The following CSMD2 variants were observed in gnomAD, a reference collection of about 807,000 sequenced individuals.
CSMD2 encodes CUB and Sushi multiple domains 2.
CSMD2 carries 130 observed loss-of-function variants against 398.5 expected under a neutral mutation model. The observed-to-expected ratio is 0.33, with a 90% CI of 0.28 to 0.38. The LOEUF (loss-of-function observed/expected upper bound fraction) is 0.38. Ranked by LOEUF, CSMD2 falls within the 10% of genes least tolerant of loss-of-function variation. The pLI is 1.00. For missense variants in CSMD2, 3,829 were observed against 4,764.9 expected (o/e 0.80, Z 5.78); for synonymous variants, 1,828 against 1,908.5 (o/e 0.96, Z 1.10).
Position 34,004,246 on chromosome 1 carries a change from T to G in CSMD2, c.517+28348A>C, listed in dbSNP as rs148044316. On this transcript the variant is annotated intron_variant, in intron 3 of 70. Coordinates refer to ENST00000373381, the MANE Select transcript of CSMD2 (RefSeq NM_001281956.2). ...GACTGAGAGATGAATGAGGTCCCAG[T>G]GACACTGGATCCAGCTGTTCCTGAG... Among the ~76,000 whole-genome samples the G allele has an allele frequency of 2.6e-3, 392 of 152,334 alleles. 3 individuals carry two copies. Among genetic ancestry groups the G allele is most frequent in the Non-Finnish European group, 4.7e-3 (321 of 68,028 alleles).
intron 3 of CSMD2, among the ~76,000 whole-genome samples, chr1:33,975,486 T>TACACACACACACACAC (rs57095754): frequency 0.055 from 8,040 of 146,286 alleles, 248 homozygotes; most frequent in Admixed American, 0.075. Context: ...CTCCCAAGTG[T>TACACACACACACACAC]ACACACACAC....
chr1:34,020,429 C>G (rs934987554), intron 3 of CSMD2, among the ~76,000 whole-genome samples: 1 of 152,212 alleles, frequency 6.6e-6, no homozygotes, highest in African/African-American at 2.4e-5. Flanking sequence ...AGCAAAGCCA[C>G]TGTCCATGAG....
chr1:33,562,092 G>A (rs1305544444), intron 53 of CSMD2, among the ~76,000 whole-genome samples: 1 of 152,164 alleles, frequency 6.6e-6, no homozygotes, highest in Non-Finnish European at 1.5e-5. Flanking sequence ...GGGGGTAGTT[G>A]TCACAGAGCC....
chr1:33,812,529 C>T (rs553732306), intron 9 of CSMD2, among the ~76,000 whole-genome samples: 2 of 152,358 alleles, frequency 1.3e-5, no homozygotes, highest in East Asian at 3.9e-4. Flanking sequence ...TCCTAGATTG[C>T]ACTTGATACA....
intron 29 of CSMD2, among the ~76,000 whole-genome samples, chr1:33,640,779 A>G (rs1643060165): frequency 6.6e-6 from 1 of 152,242 alleles, no homozygotes; most frequent in Non-Finnish European, 1.5e-5. Flanking sequence ...TCCAACAAAC[A>G]TGCATTCCTT....
chr1:33,530,408 T>C (rs990385483), intron 64 of CSMD2, among the ~76,000 whole-genome samples: 1 of 152,146 alleles, frequency 6.6e-6, no homozygotes, highest in African/African-American at 2.4e-5. Flanking sequence ...ACCTCCTACC[T>C]GTTAGAAGGA....
chr1:33,643,841 G>A (rs1164548671), intron 29 of CSMD2, among the ~76,000 whole-genome samples: 2 of 151,860 alleles, frequency 1.3e-5, no homozygotes, highest in Non-Finnish European at 2.9e-5. Context: ...CAGAGGCCCA[G>A]GGAGATAGTA....
intron 39 of CSMD2, among the ~76,000 whole-genome samples, chr1:33,616,490 G>A (rs867763198): frequency 2.0e-5 from 3 of 152,242 alleles, no homozygotes; most frequent in African/African-American, 4.8e-5. Context: ...CGCCTGACTC[G>A]GCCTCCCAAA....
chr1:34,058,390 T>C (rs902957882), intron 2 of CSMD2, among the ~76,000 whole-genome samples: 2 of 152,118 alleles, frequency 1.3e-5, no homozygotes, highest in Non-Finnish European at 2.9e-5. Flanking sequence ...GAAATGATGA[T>C]GATGATGATG....
At chr1:34,085,403 A>AATAAT (rs1258830773) in intron 2 of CSMD2, among the ~76,000 whole-genome samples, 1 of 130,216 alleles carries the variant, frequency 7.7e-6, no homozygotes, top group African/African-American at 3.0e-5. Context: ...TAATAATAAT[A>AATAAT]AATAAATAAA....
At chr1:34,087,612 T>TATAATAATAATAATA (rs71717621) in intron 2 of CSMD2, among the ~76,000 whole-genome samples, 9 of 138,370 alleles carry the variant, frequency 6.5e-5, no homozygotes, top group Non-Finnish European at 1.1e-4. Flanking sequence ...GAACTTAAAG[T>TATAATAATAATAATA]ATAATAATAA....
chr1:33,920,627 G>A (rs947880531), intron 4 of CSMD2, among the ~76,000 whole-genome samples: 1 of 151,502 alleles, frequency 6.6e-6, no homozygotes, highest in African/African-American at 2.4e-5. Context: ...CAGGGCTTCC[G>A]AGGGCCTGAG....
intron 2 of CSMD2, among the ~76,000 whole-genome samples, chr1:34,053,599 G>C (rs893816282): frequency 1.3e-5 from 2 of 152,120 alleles, no homozygotes; most frequent in Admixed American, 1.3e-4. Flanking sequence ...GTCTGAAAAG[G>C]CATATGAACA....
rs777496931 is a variant in CSMD2, at chr1:33,577,430, G to T, written c.7442C>A (p.Thr2481Asn). Reference sequence around the variant, plus strand: ...GATGGAGCCCCCGGGCTGGGTGCTGGTCTGGCCTAGGATGAAGCCATGGAG... The same window carrying T: ...GATGGAGCCCCCGGGCTGGGTGCTGTTCTGGCCTAGGATGAAGCCATGGAG... Reference protein sequence around the residue: ...APLHGFILGQTSTQPGGSIHF... With the variant: ...APLHGFILGQNSTQPGGSIHF... The change falls in exon 49 of 71, where the codon ACC becomes AAC. Residue 2481 changes from threonine to asparagine, a missense_variant. By Grantham distance (65) the Thr-to-Asn change is moderately conservative. Coordinates refer to ENST00000373381, the MANE Select transcript of CSMD2 (RefSeq NM_001281956.2). 6.2e-7 allele frequency: 1 copy of T among 1,614,112 alleles called. No homozygotes were observed. Among genetic ancestry groups the T allele is most frequent in the Non-Finnish European group, 8.5e-7 (1 of 1,179,984 alleles).
rs540706673 is a variant in CSMD2, at chr1:33,606,094, G to A, written c.6344-624C>T. 6 of 1,461,614 alleles carry A rather than the reference G, an allele frequency of 4.1e-6. No homozygotes were observed. The African/African-American group carries it at 8.5e-5, about 21-fold the overall frequency. The allele number at this position is 1,461,614 out of a possible 1,614,324, so 90.5% of individuals were successfully genotyped here. A position where few individuals can be genotyped will look rare whatever the true frequency, so the allele number is the denominator to read the frequency against. ...GGGCAGGGAAGCTGTTTCCATGAGAGTGGGTGGCCTGACTCCACAGGAGAT... is the reference window on the plus strand; with the variant it reads ...GGGCAGGGAAGCTGTTTCCATGAGAATGGGTGGCCTGACTCCACAGGAGAT... On this transcript the variant is annotated intron_variant, in intron 41 of 70. Transcript: ENST00000373381.
chr1:33,812,252 T>G (rs1251049858), intron 9 of CSMD2, among the ~76,000 whole-genome samples: 3 of 152,098 alleles, frequency 2.0e-5, no homozygotes, highest in African/African-American at 7.2e-5. Flanking sequence ...GGAAAAACAT[T>G]CACCATCAAG....
chr1:33,849,954 G>C (rs1017982401), intron 5 of CSMD2, among the ~76,000 whole-genome samples: 8 of 152,066 alleles, frequency 5.3e-5, no homozygotes, highest in Non-Finnish European at 1.2e-4. Flanking sequence ...ATAAGGCCTT[G>C]AAAAAGCCAC....
chr1:33,628,713 C>T lies in CSMD2; in HGVS notation c.5201-2132G>A, dbSNP rs1642281237. Among the ~76,000 whole-genome samples, 3 of 151,224 alleles carry T rather than the reference C, an allele frequency of 2.0e-5. No individual in the cohort carries two copies. In the South Asian group the frequency reaches 6.3e-4, roughly 32 times the overall value. On this transcript the variant is annotated intron_variant, in intron 32 of 70. Coordinates refer to ENST00000373381, the MANE Select transcript of CSMD2 (RefSeq NM_001281956.2). ...ATCATTTAAGAAAGAAGACACTTTT[C>T]CTAAGATGTGAGGTACAGATTGAAA...
intron 3 of CSMD2, among the ~76,000 whole-genome samples, chr1:34,000,921 G>A (rs1052291618): frequency 1.4e-4 from 22 of 151,860 alleles, no homozygotes; most frequent in Middle Eastern, 3.4e-3. Context: ...AGGAAGAGAA[G>A]AGAGAGGAGG....
Sources: allele counts gnomAD v4.1 joint callset (sites outside exome capture counted in the v4.1 genomes callset), GRCh38; gene constraint gnomAD v4.1.1; transcripts MANE v1.5; gene names NCBI Gene and HGNC (gene_info 2026-07-23, HGNC 2026-07-21).